Variants in CDKL4 observed in about 807,000 individuals in gnomAD.
CDKL4 encodes the protein cyclin-dependent kinase-like 4.
Under a neutral mutation model 42.0 loss-of-function variants are expected in CDKL4, and 44 were observed. That is an observed-to-expected ratio of 1.05 (90% CI 0.82 to 1.35). CDKL4 has a LOEUF of 1.35. CDKL4 is among the 40% of genes most tolerant of loss of function. The pLI, the probability that CDKL4 is intolerant of heterozygous loss-of-function variation, is 0.00. For synonymous variants in CDKL4, 120 were observed against 121.6 expected (o/e 0.99, Z 0.09); for missense variants, 393 against 369.9 (o/e 1.06, Z -0.51).
chr2:39,236,790 T>C (rs1679398686), intron 1 of CDKL4, among the ~76,000 whole-genome samples: 1 of 152,088 alleles, frequency 6.6e-6, no homozygotes, highest in Non-Finnish European at 1.5e-5. Flanking sequence ...ATTAGTCAAG[T>C]TGGTTGGACA....
chr2:39,197,769 T>G (rs1395238822), intron 5 of CDKL4, among the ~76,000 whole-genome samples: 1 of 152,162 alleles, frequency 6.6e-6, no homozygotes, highest in African/African-American at 2.4e-5. Flanking sequence ...GATACAGTCT[T>G]TTTCAGACAA....
chr2:39,228,307 CT>C (rs200953267), intron 2 of CDKL4, among the ~76,000 whole-genome samples: 2 of 151,922 alleles, frequency 1.3e-5, no homozygotes, highest in Non-Finnish European at 2.9e-5. Context: ...TAAGAGTGAA[CT>C]TTTTTTTATC....
At chr2:39,194,099 C>G (rs1676363653) in intron 5 of CDKL4, among the ~76,000 whole-genome samples, 1 of 152,128 alleles carries the variant, frequency 6.6e-6, no homozygotes, top group African/African-American at 2.4e-5. Context: ...TTACTGCGTT[C>G]TCAAGAATTT....
upstream of CDKL4, among the ~76,000 whole-genome samples, chr2:39,244,778 C>T (rs1243600333): frequency 6.6e-6 from 1 of 152,214 alleles, no homozygotes; most frequent in African/African-American, 2.4e-5. Flanking sequence ...ATGTCTAGCT[C>T]AGGGATTGTA....
At chr2:39,203,654 G>C (rs1676988002) in intron 5 of CDKL4, among the ~76,000 whole-genome samples, 1 of 152,120 alleles carries the variant, frequency 6.6e-6, no homozygotes, top group Non-Finnish European at 1.5e-5. Flanking sequence ...CGATGCCACT[G>C]AAACTCTGCA....
chr2:39,211,265 T>G (rs1266127103), intron 4 of CDKL4, among the ~76,000 whole-genome samples: 1 of 152,156 alleles, frequency 6.6e-6, no homozygotes. Context: ...CATGTGCCTG[T>G]AGTCCCAGCT....
intron 4 of CDKL4, among the ~76,000 whole-genome samples, chr2:39,211,592 G>A (rs1193433070): frequency 6.6e-6 from 1 of 151,974 alleles, no homozygotes; most frequent in Non-Finnish European, 1.5e-5. Flanking sequence ...TCATCACCCT[G>A]AGTGTTGATA....
At chr2:39,186,540 AAG>A (rs1321030374) in intron 7 of CDKL4, among the ~76,000 whole-genome samples, 2 of 152,206 alleles carry the variant, frequency 1.3e-5, no homozygotes, top group African/African-American at 4.8e-5. Flanking sequence ...TACAGAGAGC[AAG>A]AGAGAGAGTC....
intron 2 of CDKL4, among the ~76,000 whole-genome samples, chr2:39,228,628 C>A (rs1047035921): frequency 1.1e-4 from 16 of 152,130 alleles, no homozygotes; most frequent in African/African-American, 3.6e-4. Flanking sequence ...CGGGCCCACC[C>A]CAGACCTCCC....
rs972333960 is a variant in CDKL4 at position 39,238,960 on chromosome 2, C to T, written c.-57+4911G>A. On this transcript the variant is annotated intron_variant, in intron 1 of 9. Coordinates refer to ENST00000451199, the Ensembl canonical transcript of CDKL4. ...AAAGATGGGGTTTCACCATGTTGGCCAGGCTGATCTTGAACTCCTGACCTC... is the reference window on the plus strand; with the variant it reads ...AAAGATGGGGTTTCACCATGTTGGCTAGGCTGATCTTGAACTCCTGACCTC... Among the ~76,000 whole-genome samples the T allele has an allele frequency of 2.6e-5, 4 of 152,158 alleles. No individual in the cohort carries two copies. The East Asian group carries it at 7.7e-4, about 29-fold the overall frequency.
At chr2:39,207,395 A>T (rs1057324916) in intron 4 of CDKL4, among the ~76,000 whole-genome samples, 15 of 151,812 alleles carry the variant, frequency 9.9e-5, no homozygotes, top group East Asian at 3.9e-4. Flanking sequence ...AAAAAAAAAA[A>T]TTTTTTTTTG....
At chr2:39,176,667 C>T (rs1051265743) in intron 9 of CDKL4, among the ~76,000 whole-genome samples, 3 of 152,130 alleles carry the variant, frequency 2.0e-5, no homozygotes, top group Admixed American at 1.3e-4. Context: ...CTCCTGACCT[C>T]AGGTGATCCA....
chr2:39,214,155 T>G (rs558518470), intron 3 of CDKL4, among the ~76,000 whole-genome samples: 2 of 152,302 alleles, frequency 1.3e-5, no homozygotes, highest in Non-Finnish European at 2.9e-5. Flanking sequence ...ACTCTCGACC[T>G]CAGATGATCC....
At chr2:39,221,001 G>GTTTTTT (rs1678311355) in intron 3 of CDKL4, among the ~76,000 whole-genome samples, 8 of 78,826 alleles carry the variant, frequency 1.0e-4, no homozygotes, top group Admixed American at 2.0e-4. Context: ...TTTTTTTTTT[G>GTTTTTT]TTTTTTTTTT....
At chr2:39,238,526 A>G (rs1202613507) in intron 1 of CDKL4, among the ~76,000 whole-genome samples, 1 of 152,206 alleles carries the variant, frequency 6.6e-6, no homozygotes, top group Admixed American at 6.5e-5. Flanking sequence ...TAAGATTTAT[A>G]CGGAAATGCA....
chr2:39,187,471 GGAGGTT>G (rs1675888549), intron 7 of CDKL4, among the ~76,000 whole-genome samples, 150 bp downstream of exon 7: 1 of 150,524 alleles, frequency 6.6e-6, no homozygotes, highest in African/African-American at 2.4e-5. Flanking sequence ...CTTGAGTCTC[GGAGGTT>G]GAGGCTGCAG....
the CDKL4 span, among the ~76,000 whole-genome samples, chr2:39,168,991 G>A: frequency 1.9e-4 from 29 of 152,040 alleles, no homozygotes; most frequent in Admixed American, 3.3e-4. Flanking sequence ...TGTTGACCTC[G>A]TGATCCGCCT....
intron 9 of CDKL4, chr2:39,178,623 A>G (rs754569638): frequency 4.5e-6 from 7 of 1,570,790 alleles, no homozygotes; most frequent in Middle Eastern, 1.7e-4. Context: ...AATGTTTGTC[A>G]TAACAGTCAC....
At chr2:39,194,568 G>A (rs915918149) in intron 5 of CDKL4, among the ~76,000 whole-genome samples, 10 of 152,170 alleles carry the variant, frequency 6.6e-5, no homozygotes, top group Non-Finnish European at 1.0e-4. Context: ...TATCAGTGAA[G>A]AGGAAGATTA....
Sources: gnomAD v4.1 joint callset for allele counts (sites outside exome capture counted in the v4.1 genomes callset) on GRCh38, gnomAD v4.1.1 for gene constraint, MANE v1.5 for transcripts, NCBI Gene and HGNC (gene_info 2026-07-23, HGNC 2026-07-21) for gene names.